KIAA1958: variants seen among roughly 807,000 people sequenced by gnomAD.
The protein encoded by KIAA1958 is uncharacterized protein KIAA1958.
Under a neutral mutation model 47.2 loss-of-function variants are expected in KIAA1958, and 14 were observed. That is an observed-to-expected ratio of 0.30 (90% confidence interval 0.20 to 0.46). The LOEUF is 0.46. Among genes scored for constraint, KIAA1958 ranks in the 20% least tolerant of loss-of-function variants. KIAA1958 has a pLI of 1.00. For missense variants in KIAA1958, 803 were observed against 909.2 expected (o/e 0.88, Z 1.50); for synonymous variants, 354 against 353.3 (o/e 1.00, Z -0.02).
chr9:112,643,729 T>C (rs1836930597), intron 2 of KIAA1958, among the ~76,000 whole-genome samples: 1 of 152,134 alleles, frequency 6.6e-6, no homozygotes, highest in Non-Finnish European at 1.5e-5. Flanking sequence ...TGAAGAGACC[T>C]TCTGGACACA....
At chr9:112,580,351 T>C (rs1835715260) in intron 2 of KIAA1958, among the ~76,000 whole-genome samples, 1 of 152,282 alleles carries the variant, frequency 6.6e-6, no homozygotes, top group East Asian at 1.9e-4. Context: ...GCAGTGTATA[T>C]TGGAAAAGTG....
intron 2 of KIAA1958, among the ~76,000 whole-genome samples, chr9:112,633,281 A>G (rs1002003729): frequency 2.0e-5 from 3 of 151,698 alleles, no homozygotes; most frequent in African/African-American, 7.3e-5. Flanking sequence ...TTACTTTCTT[A>G]AACTTCAGAA....
intron 1 of KIAA1958, among the ~76,000 whole-genome samples, chr9:112,520,510 T>TC (rs1834520834): frequency 5.3e-5 from 8 of 152,126 alleles, no homozygotes; most frequent in Admixed American, 3.9e-4. Context: ...TAAATTAATA[T>TC]CCCCAAACTT....
chr9:112,630,180 T>C lies in KIAA1958; in HGVS notation c.1172-15470T>C, dbSNP rs144261050. 1.6e-3 allele frequency among the ~76,000 whole-genome samples: 238 copies of C among 152,298 alleles called. 1 individual carries two copies. The highest frequency in any genetic ancestry group is 5.0e-3 in the African/African-American group (206 of 41,568). On this transcript the variant is annotated intron_variant, in intron 2 of 3. Coordinates refer to ENST00000337530, the MANE Select transcript of KIAA1958 (RefSeq NM_133465.4). ...CAATCCTTTAGTAAAGGATCTACAG[T>C]TGAATTAATCGTAGGCTTCCTGGAG... is the stretch of plus-strand genomic sequence containing the variant.
intron 1 of KIAA1958, among the ~76,000 whole-genome samples, chr9:112,525,253 T>C (rs1269857162): frequency 1.3e-5 from 2 of 152,214 alleles, no homozygotes; most frequent in East Asian, 1.9e-4. Context: ...AGGTGTTCTG[T>C]GTAGGGATTA....
chr9:112,533,815 A>G (rs547455399), intron 1 of KIAA1958, among the ~76,000 whole-genome samples: 2 of 152,154 alleles, frequency 1.3e-5, no homozygotes, highest in Admixed American at 6.5e-5. Context: ...CCGTAATCCA[A>G]TTACCTCTTC....
chr9:112,643,880 G>C (rs939007826), intron 2 of KIAA1958, among the ~76,000 whole-genome samples: 2 of 152,082 alleles, frequency 1.3e-5, no homozygotes, highest in Admixed American at 6.5e-5. Flanking sequence ...TTTGATTGGC[G>C]CAAAGACCAT....
intron 3 of KIAA1958, among the ~76,000 whole-genome samples, chr9:112,658,446 G>T (rs1173116158): frequency 6.6e-6 from 1 of 152,130 alleles, no homozygotes; most frequent in Non-Finnish European, 1.5e-5. Flanking sequence ...CAAATGATTT[G>T]CAAACAAAGA....
chr9:112,616,062 G>A (rs1836404097), intron 2 of KIAA1958, among the ~76,000 whole-genome samples: 1 of 152,186 alleles, frequency 6.6e-6, no homozygotes, highest in Admixed American at 6.5e-5. Context: ...GGCCCCTTTG[G>A]CTTTCCATTG....
intron 3 of KIAA1958, among the ~76,000 whole-genome samples, chr9:112,646,087 G>GT (rs10578182): frequency 0.024 from 3,613 of 149,076 alleles, 133 homozygotes; most frequent in African/African-American, 0.08. Context: ...TATTTAAGTG[G>GT]TTTTTTTTTT....
chr9:112,534,581 T>C (rs899966767), intron 1 of KIAA1958, among the ~76,000 whole-genome samples: 3 of 152,010 alleles, frequency 2.0e-5, no homozygotes, highest in Non-Finnish European at 2.9e-5. Context: ...TTCGTTCTTA[T>C]TGCCCAGGTT....
intron 2 of KIAA1958, among the ~76,000 whole-genome samples, chr9:112,594,510 T>A (rs1835982654): frequency 2.0e-5 from 3 of 152,248 alleles, no homozygotes; most frequent in Non-Finnish European, 4.4e-5. Flanking sequence ...TGTGGTTTCT[T>A]AGCATAATGT....
chr9:112,512,041 C>T (rs1834333671), intron 1 of KIAA1958, among the ~76,000 whole-genome samples: 2 of 152,156 alleles, frequency 1.3e-5, no homozygotes, highest in Admixed American at 1.3e-4. Context: ...AAAACCTTCC[C>T]ACAAAGGAAA....
intron 2 of KIAA1958, among the ~76,000 whole-genome samples, chr9:112,636,106 T>TTA (rs201809065): frequency 9.0e-4 from 133 of 147,894 alleles, no homozygotes; most frequent in Non-Finnish European, 1.3e-3. Flanking sequence ...ATTGTTTATT[T>TTA]TATATATATA....
chr9:112,585,349 A>C (rs185466039), intron 2 of KIAA1958, among the ~76,000 whole-genome samples: 2 of 152,250 alleles, frequency 1.3e-5, no homozygotes, highest in Admixed American at 6.5e-5. Flanking sequence ...GCCTCAGGGA[A>C]CACATGGAAG....
chr9:112,618,257 C>T lies in KIAA1958; in HGVS notation c.1172-27393C>T. On this transcript the variant is annotated intron_variant, in intron 2 of 3. Coordinates refer to ENST00000337530, the MANE Select transcript of KIAA1958 (RefSeq NM_133465.4). The surrounding 1 kb of genome is among the most constrained non-coding windows in gnomAD (Gnocchi z 7.1). ...AAATAAGCCACACAAGTCCATGAAG[C>T]TCACCTTTGCTGACGAGCTCATCCT... 1.9e-6 allele frequency: 3 copies of T among 1,550,830 alleles called. No homozygotes were observed. Among genetic ancestry groups the T allele is most frequent in the Non-Finnish European group, 2.6e-6 (3 of 1,147,032 alleles).
At chr9:112,583,802 CCCAG>C (rs1232883941) in intron 2 of KIAA1958, among the ~76,000 whole-genome samples, 1 of 152,052 alleles carries the variant, frequency 6.6e-6, no homozygotes, top group African/African-American at 2.4e-5. Context: ...AAGGAGACAC[CCCAG>C]ATACACAGTA....
At chr9:112,614,071 G>A (rs1564190803) in intron 2 of KIAA1958, among the ~76,000 whole-genome samples, 1 of 152,182 alleles carries the variant, frequency 6.6e-6, no homozygotes, top group Non-Finnish European at 1.5e-5. Context: ...GGAATGTTGT[G>A]CAGCAATGAG....
chr9:112,638,952 T>A (rs1836852839), intron 2 of KIAA1958, among the ~76,000 whole-genome samples: 1 of 152,210 alleles, frequency 6.6e-6, no homozygotes, highest in Non-Finnish European at 1.5e-5. Flanking sequence ...GAAACAATCT[T>A]AAACTCCAAA....
Sources: gnomAD v4.1 joint callset for allele counts (sites outside exome capture counted in the v4.1 genomes callset) on GRCh38, gnomAD v4.1.1 for gene constraint, Gnocchi (gnomAD v3.1) non-coding constraint, MANE v1.5 for transcripts, NCBI Gene and HGNC (gene_info 2026-07-23, HGNC 2026-07-21) for gene names.